Variants in PLA2G4C observed in about 807,000 individuals in gnomAD.
The protein encoded by PLA2G4C is phospholipase A2 group IVC.
In PLA2G4C, 64 loss-of-function variants were observed where a neutral mutation model predicts 73.8. The observed-to-expected ratio is 0.87, with a 90% CI of 0.71 to 1.07. The LOEUF is 1.07. PLA2G4C is among the 50% of genes least tolerant of loss of function. The pLI is 0.00. For missense variants in PLA2G4C, 622 were observed against 665.4 expected (o/e 0.93, Z 0.72); for synonymous variants, 254 against 252.1 (o/e 1.01, Z -0.07).
intron 16 of PLA2G4C, among the ~76,000 whole-genome samples, chr19:48,050,142 G>A (rs11564658): frequency 0.21 from 32,390 of 151,964 alleles, 3,932 homozygotes; most frequent in Non-Finnish European, 0.27. Context: ...GGTTGGTCTC[G>A]AACTCCTGAC....
chr19:48,061,596 T>G, intron 14 of PLA2G4C: 1 of 204,880 alleles, frequency 4.9e-6, no homozygotes, highest in Non-Finnish European at 1.0e-5. Flanking sequence ...CAAACATTTA[T>G]TGAGGGCCAC....
chr19:48,062,006 GA>G lies in PLA2G4C; in HGVS notation c.1248del (p.Pro417LeufsTer22). ...LILSFDFSAG[D>X]PFETIRATTD... ...AAGCCCTTCTCGATTACCTCGAAAG[GA>G]TCTCCGGCACTGAAGTCGAAGGAGA... On this transcript the variant is annotated frameshift_variant, in exon 14 of 17. Transcript: ENST00000599921. LOFTEE classifies it high-confidence loss of function. The G allele has an allele frequency of 6.2e-7, 1 of 1,613,810 alleles. No homozygotes were observed. The highest frequency in any genetic ancestry group is 1.1e-5 in the South Asian group (1 of 91,072).
In PLA2G4C at chr19:48,062,001, G is replaced by C. The variant is rs750061156; in HGVS notation, c.1254C>G (p.Phe418Leu). ...LSFDFSAGDP[F>L]ETIRATTDYC... ...CCCCAAAGCCCTTCTCGATTACCTC[G>C]AAAGGATCTCCGGCACTGAAGTCGA... The change falls in exon 14 of 17, where the codon TTC (phenylalanine) becomes TTG (leucine). Residue 418 changes from phenylalanine to leucine, a missense_variant. By Grantham distance (22) the Phe-to-Leu change is conservative (BLOSUM62 0). Transcript: ENST00000599921. 6.2e-7 allele frequency: 1 copy of C among 1,613,742 alleles called. No homozygotes were observed. Among genetic ancestry groups the C allele is most frequent in the Admixed American group, 1.7e-5 (1 of 59,992 alleles).
At chr19:48,082,938 C>T (rs1234183620) in intron 10 of PLA2G4C, among the ~76,000 whole-genome samples, 3 of 151,340 alleles carry the variant, frequency 2.0e-5, no homozygotes, top group African/African-American at 4.9e-5. Context: ...CTCAGCCTCC[C>T]GAGTAGCTGG....
rs139233889 is a variant in PLA2G4C, at chr19:48,099,973, C to T, written c.258-113G>A. On this transcript the variant is annotated intron_variant, in intron 4 of 16. Transcript: ENST00000599921. ...AGGAACACCTGCCTCATGGAGAGGG[C>T]GACACACAGAGGAAACGGAAAATTT... 8.0e-4 allele frequency: 516 copies of T among 647,130 alleles called. 2 individuals carry two copies. The highest frequency in any genetic ancestry group is 4.6e-3 in the South Asian group (203 of 44,394). The allele number at this position is 647,130 out of a possible 1,614,324, so 40.1% of individuals were successfully genotyped here. A position where few individuals can be genotyped will look rare whatever the true frequency, so the allele number is the denominator to read the frequency against.
At chr19:48,079,638 T>C (rs917592003) in intron 10 of PLA2G4C, among the ~76,000 whole-genome samples, 4 of 152,200 alleles carry the variant, frequency 2.6e-5, no homozygotes, top group African/African-American at 7.2e-5. Flanking sequence ...AACGAGTTCA[T>C]GACCAAGAGC....
At chr19:48,049,358 G>A (rs1289783895) in intron 16 of PLA2G4C, among the ~76,000 whole-genome samples, 1 of 152,014 alleles carries the variant, frequency 6.6e-6, no homozygotes. Context: ...TCTCCCTCAG[G>A]ATGCCTTCCC....
In PLA2G4C at chr19:48,050,673, C is replaced by CTTTTTTTTTTTTTTTTTTTTT. The variant is rs5828330; in HGVS notation, c.1581-2286_1581-2285insAAAAAAAAAAAAAAAAAAAAA. ...ATCCCTAGAGCCTGTGAGTATGTGACTTTTTTTTTTTTTTTTTTTGAGACA... is the reference window on the plus strand; with the variant it reads ...ATCCCTAGAGCCTGTGAGTATGTGACTTTTTTTTTTTTTTTTTTTTTTTTTTTTTTTTTTTTTTTTGAGACA... On this transcript the variant is annotated intron_variant, in intron 16 of 16. Coordinates refer to ENST00000599921, the MANE Select transcript of PLA2G4C (RefSeq NM_003706.3). Among the ~76,000 whole-genome samples, 7 of 78,750 alleles carry CTTTTTTTTTTTTTTTTTTTTT rather than the reference C, an allele frequency of 8.9e-5. 2 individuals carry two copies. In the East Asian group the frequency reaches 1.6e-3, roughly 18 times the overall value. 51.7% of individuals were successfully genotyped at this position (78,750 alleles called of 152,430 possible). A position where few individuals can be genotyped will look rare whatever the true frequency, so the allele number is the denominator to read the frequency against.
rs1053800837 is a variant in PLA2G4C, at chr19:48,095,397, G to T, written c.709+67C>A. 13 of 1,496,680 alleles carry T rather than the reference G, an allele frequency of 8.7e-6. No homozygotes were observed. In the African/African-American group the frequency reaches 1.5e-4, roughly 18 times the overall value. 92.7% of individuals were successfully genotyped at this position (1,496,680 alleles called of 1,614,324 possible). A position where few individuals can be genotyped will look rare whatever the true frequency, so the allele number is the denominator to read the frequency against. ...AAGAGCTGGGCAAACTAGACCCTCA[G>T]AAGGAAAATTCTTGCCTCTCCTCCA... On this transcript the variant is annotated intron_variant, in intron 7 of 16. Coordinates refer to ENST00000599921, the MANE Select transcript of PLA2G4C (RefSeq NM_003706.3).
chr19:48,096,194 G>A (rs779464820), intron 6 of PLA2G4C, among the ~76,000 whole-genome samples: 13 of 152,096 alleles, frequency 8.5e-5, no homozygotes, highest in Admixed American at 1.3e-4. Context: ...CTAGGTCTGG[G>A]AATGACTGAA....
intron 5 of PLA2G4C, 142 bp from the exon 6 acceptor site, chr19:48,098,401 C>T (rs1034156775): frequency 5.5e-5 from 37 of 677,998 alleles, no homozygotes; most frequent in Non-Finnish European, 7.6e-5. Flanking sequence ...TAATGGGCCA[C>T]TACAGCCTCA....
At chr19:48,074,665 T>C in intron 12 of PLA2G4C, 102 bp downstream of exon 12, 1 of 782,248 alleles carries the variant, frequency 1.3e-6, no homozygotes, top group Non-Finnish European at 2.3e-6. Flanking sequence ...CATCTGGTCA[T>C]GTCCCCTGCA....
intron 13 of PLA2G4C, among the ~76,000 whole-genome samples, chr19:48,065,636 G>A (rs898465105): frequency 3.3e-5 from 5 of 151,472 alleles, no homozygotes; most frequent in Admixed American, 2.0e-4. Flanking sequence ...ATAAATATAT[G>A]GAAAATAAAA....
At chr19:48,110,355 T>A (rs146764560) in intron 1 of PLA2G4C, 132 bp downstream of exon 1, 52,271 of 502,470 alleles carry the variant, frequency 0.1, 2,461 homozygotes, top group African/African-American at 0.28. Context: ...CAAAAAAAAA[T>A]AAATAAATAA....
chr19:48,082,665 A>G (rs543300544), intron 10 of PLA2G4C, among the ~76,000 whole-genome samples: 1 of 148,810 alleles, frequency 6.7e-6, no homozygotes, highest in South Asian at 2.1e-4. Flanking sequence ...TGCCCAGTTA[A>G]TTTTTATATT....
intron 7 of PLA2G4C, among the ~76,000 whole-genome samples, chr19:48,091,098 G>A (rs558149294): frequency 6.6e-6 from 1 of 152,230 alleles, no homozygotes; most frequent in Admixed American, 6.5e-5. Flanking sequence ...AATATGCTAA[G>A]GATGGAGGAG....
At chr19:48,076,380 T>C (rs2030158473) in intron 11 of PLA2G4C, among the ~76,000 whole-genome samples, 1 of 152,184 alleles carries the variant, frequency 6.6e-6, no homozygotes, top group Non-Finnish European at 1.5e-5. Flanking sequence ...AGGCCTTCTG[T>C]GGCACTCCAG....
At position 48,072,886 on chromosome 19, in the gene PLA2G4C, T is replaced by C. The variant is rs2029892716; in HGVS notation, c.1006+1881A>G. On this transcript the variant is annotated intron_variant, in intron 12 of 16. Transcript: ENST00000599921. The surrounding 1 kb of genome is among the most constrained non-coding windows in gnomAD (Gnocchi z 4.4). The stretch of plus-strand genomic sequence containing the variant: ...CCGGGTCATCACAGAGGTGAGAGGT[T>C]GGATGTCTGGGGGTGAGACTGGCTG... 1.3e-5 allele frequency: 2 copies of C among 152,196 alleles called. No homozygotes were observed. Among genetic ancestry groups the C allele is most frequent in the Admixed American group, 1.3e-4 (2 of 15,258 alleles). 9.4% of individuals were successfully genotyped at this position (152,196 alleles called of 1,614,324 possible).
chr19:48,093,767 C>T (rs1013476483), intron 7 of PLA2G4C, among the ~76,000 whole-genome samples: 3 of 152,142 alleles, frequency 2.0e-5, no homozygotes, highest in African/African-American at 7.2e-5. Flanking sequence ...GTTGTAATCC[C>T]CAGATGTTGA....
Sources: allele counts gnomAD v4.1 joint callset (sites outside exome capture counted in the v4.1 genomes callset), GRCh38; gene constraint gnomAD v4.1.1; non-coding constraint Gnocchi (gnomAD v3.1); transcripts MANE v1.5; gene names NCBI Gene and HGNC (gene_info 2026-07-23, HGNC 2026-07-21).